The following TBC1D1 variants were observed in gnomAD, a reference collection of about 807,000 sequenced individuals.
TBC1D1 encodes the protein TBC1 domain family member 1, also known as TBC1 (tre-2/USP6, BUB2, cdc16) domain family, member 1.
In TBC1D1, 89 loss-of-function variants were observed where a neutral mutation model predicts 125.6. The ratio of observed to expected loss-of-function variants is 0.71; its 90% confidence interval spans 0.60 to 0.85. The LOEUF is 0.85. Among genes scored for constraint, TBC1D1 ranks in the 40% least tolerant of loss-of-function variants. The pLI, the probability that TBC1D1 is intolerant of heterozygous loss-of-function variation, is 0.00. For synonymous variants in TBC1D1, 565 were observed against 564.1 expected (o/e 1.00, Z -0.02); for missense variants, 1,377 against 1,469.2 (o/e 0.94, Z 1.03).
chr4:38,000,336 T>G (rs908421146), intron 2 of TBC1D1, among the ~76,000 whole-genome samples: 2 of 152,174 alleles, frequency 1.3e-5, no homozygotes, highest in Admixed American at 1.3e-4. Flanking sequence ...TTGAATGTAG[T>G]CAGCAAACCC....
chr4:38,046,370 T>TAA (rs11438975), intron 10 of TBC1D1, among the ~76,000 whole-genome samples: 27 of 143,082 alleles, frequency 1.9e-4, no homozygotes, highest in Admixed American at 4.9e-4. Flanking sequence ...AGACTCTGTG[T>TAA]AAAAAAAAAA....
intron 8 of TBC1D1, among the ~76,000 whole-genome samples, chr4:38,039,938 ACCCC>A: frequency 6.8e-6 from 1 of 147,834 alleles, no homozygotes; most frequent in Non-Finnish European, 1.5e-5. Flanking sequence ...ATATAGCGAG[ACCCC>A]CATCTCTGTT....
intron 9 of TBC1D1, among the ~76,000 whole-genome samples, 162 bp from the exon 10 acceptor site, chr4:38,045,652 AAAT>A (rs1221222372): frequency 1.3e-5 from 2 of 152,260 alleles, no homozygotes; most frequent in Non-Finnish European, 2.9e-5. Flanking sequence ...TTTTTTAAAA[AAAT>A]GATGGAAATG....
chr4:38,035,656 A>C lies in TBC1D1; in HGVS notation c.1371A>C (p.Glu457Asp). The change falls in exon 8 of 20, where the codon GAA becomes GAC. Residue 457 changes from glutamate (E) to aspartate (D), a missense_variant. Coordinates refer to ENST00000261439, the MANE Select transcript of TBC1D1 (RefSeq NM_015173.4). The stretch of plus-strand genomic sequence containing the variant: ...TTTCTTTTCTGAGATGTTTATATGA[A>C]GAGAAACAGAAAGAACACATCCATA... The C allele has an allele frequency of 6.2e-7, 1 of 1,613,962 alleles. No homozygotes were observed. The highest frequency in any genetic ancestry group is 8.5e-7 in the Non-Finnish European group (1 of 1,179,878).
At position 37,960,581 on chromosome 4, in the gene TBC1D1, A is replaced by T. The variant is rs754865814; in HGVS notation, c.418-53928A>T. 3.1e-6 allele frequency: 5 copies of T among 1,614,222 alleles called. No individual in the cohort carries two copies. The East Asian group carries it at 8.9e-5, about 29-fold the overall frequency. ...TTTTAACACGACGTTTTGGCAAAAC[A>T]TACGATGCTCCATCAGCCTTACCTA... is the stretch of plus-strand genomic sequence containing the variant. On this transcript the variant is annotated intron_variant, in intron 2 of 19. Coordinates refer to ENST00000261439, the MANE Select transcript of TBC1D1 (RefSeq NM_015173.4).
At chr4:38,011,369 GAAAAAGAA>G (rs1381782546) in intron 2 of TBC1D1, among the ~76,000 whole-genome samples, 10 of 147,856 alleles carry the variant, frequency 6.8e-5, no homozygotes, top group Non-Finnish European at 1.2e-4. Flanking sequence ...AAAAAAAAAA[GAAAAAGAA>G]AAAAAGAAAA....
chr4:37,909,947 T>C (rs542080458), intron 2 of TBC1D1, among the ~76,000 whole-genome samples: 4 of 152,340 alleles, frequency 2.6e-5, no homozygotes, highest in South Asian at 4.1e-4. Context: ...AATTTTTTCG[T>C]CTATAAAAAG....
At chr4:38,047,843 A>G (rs1393801846) in intron 10 of TBC1D1, among the ~76,000 whole-genome samples, 1 of 152,176 alleles carries the variant, frequency 6.6e-6, no homozygotes, top group African/African-American at 2.4e-5. Context: ...AACAGAGAAG[A>G]AGGCATTCTA....
chr4:37,952,167 G>A, intron 2 of TBC1D1: 1 of 700,742 alleles, frequency 1.4e-6, no homozygotes, highest in South Asian at 1.5e-5. Context: ...TCATCCCAGT[G>A]GCCCTGAGAC....
chr4:37,904,550 C>G (rs1716890647), intron 2 of TBC1D1, among the ~76,000 whole-genome samples: 1 of 152,224 alleles, frequency 6.6e-6, no homozygotes. Context: ...GAATAGGCTT[C>G]TGGCCAGTCA....
At chr4:38,069,031 G>A (rs1392059241) in intron 12 of TBC1D1, among the ~76,000 whole-genome samples, 2 of 152,224 alleles carry the variant, frequency 1.3e-5, no homozygotes, top group Non-Finnish European at 2.9e-5. Context: ...TACTGGATAT[G>A]TAAAAGCTAT....
At position 37,995,154 on chromosome 4, in the gene TBC1D1, G is replaced by A. The variant is rs1408184668; in HGVS notation, c.418-19355G>A. Among the ~76,000 whole-genome samples the A allele has an allele frequency of 6.6e-6, 1 of 152,146 alleles. No individual in the cohort carries two copies. The highest frequency in any genetic ancestry group is 1.5e-5 in the Non-Finnish European group (1 of 68,024). ...CTTCGATACTGACACAACAGCCCTC[G>A]GGAAACTGACCTGGAGCGATGGGTG... On this transcript the variant is annotated intron_variant, in intron 2 of 19. Coordinates refer to ENST00000261439, the MANE Select transcript of TBC1D1 (RefSeq NM_015173.4). This position sits in a 1 kb window ranked among gnomAD's most constrained non-coding sequence, Gnocchi z 4.3.
chr4:37,957,686 C>T (rs1221940085), intron 2 of TBC1D1, among the ~76,000 whole-genome samples: 2 of 152,178 alleles, frequency 1.3e-5, no homozygotes, highest in Non-Finnish European at 2.9e-5. Flanking sequence ...GTCTTTCTGA[C>T]TCCAAACTCC....
chr4:38,052,096 G>A, intron 11 of TBC1D1, 36 bp downstream of exon 12: 19 of 1,548,514 alleles, frequency 1.2e-5, no homozygotes, highest in Non-Finnish European at 1.6e-5. Context: ...GGTGTTGTCT[G>A]TTTTCCTGGG....
intron 15 of TBC1D1, among the ~76,000 whole-genome samples, chr4:38,111,209 C>T (rs1201073079): frequency 1.3e-5 from 2 of 152,220 alleles, no homozygotes; most frequent in African/African-American, 4.8e-5. Flanking sequence ...TTTAATCCCC[C>T]TCATCCACTC....
chr4:38,009,351 A>G (rs1390147971), intron 2 of TBC1D1, among the ~76,000 whole-genome samples: 1 of 152,220 alleles, frequency 6.6e-6, no homozygotes, highest in African/African-American at 2.4e-5. Flanking sequence ...ATATAACGGG[A>G]AAAATGCTAG....
chr4:38,002,233 T>C (rs773877938), intron 2 of TBC1D1, among the ~76,000 whole-genome samples: 5 of 152,068 alleles, frequency 3.3e-5, no homozygotes, highest in Non-Finnish European at 5.9e-5. Flanking sequence ...ATACCCACCA[T>C]AAAAAAGAAA....
intron 12 of TBC1D1, among the ~76,000 whole-genome samples, chr4:38,060,142 T>C (rs577339573): frequency 6.6e-6 from 1 of 152,356 alleles, no homozygotes; most frequent in South Asian, 2.1e-4. Flanking sequence ...GCATTTGGGT[T>C]GATTCCATGT....
intron 4 of TBC1D1, 135 bp downstream of exon 4, chr4:38,018,578 T>A: frequency 2.0e-6 from 1 of 500,290 alleles, no homozygotes; most frequent in Non-Finnish European, 3.2e-6. Flanking sequence ...TGTGTTTCGC[T>A]TTTCTTCTTT....
Sources: gnomAD v4.1 joint callset for allele counts (sites outside exome capture counted in the v4.1 genomes callset) on GRCh38, gnomAD v4.1.1 for gene constraint, Gnocchi (gnomAD v3.1) non-coding constraint, MANE v1.5 for transcripts, NCBI Gene and HGNC (gene_info 2026-07-23, HGNC 2026-07-21) for gene names.